SLC25A13: variants seen among roughly 807,000 people sequenced by gnomAD.
The protein encoded by SLC25A13 is electrogenic aspartate/glutamate antiporter SLC25A13, mitochondrial.
A neutral mutation model predicts 85.5 loss-of-function variants in SLC25A13; 70 were observed. The ratio of observed to expected loss-of-function variants is 0.82; its 90% CI spans 0.68 to 1.00. The LOEUF is 1.00. SLC25A13 is among the 50% of genes least tolerant of loss of function. SLC25A13 has a pLI of 0.00. For synonymous variants in SLC25A13, 259 were observed against 288.7 expected (o/e 0.90, Z 1.04); for missense variants, 765 against 819.8 (o/e 0.93, Z 0.82).
At chr7:96,196,390 A>C (rs1338992555) in intron 5 of SLC25A13, among the ~76,000 whole-genome samples, 2 of 152,162 alleles carry the variant, frequency 1.3e-5, no homozygotes, top group Admixed American at 1.3e-4. Context: ...TTATACCAAA[A>C]ATGGCACCGC....
chr7:96,209,687 T>C (rs1795616296), intron 4 of SLC25A13, among the ~76,000 whole-genome samples: 1 of 152,136 alleles, frequency 6.6e-6, no homozygotes, highest in South Asian at 2.1e-4. Flanking sequence ...GCTTAGGATC[T>C]CTTTTTAGCC....
At chr7:96,156,070 T>C (rs962787168) in intron 13 of SLC25A13, among the ~76,000 whole-genome samples, 1 of 152,218 alleles carries the variant, frequency 6.6e-6, no homozygotes, top group African/African-American at 2.4e-5. Flanking sequence ...TCTGATCATA[T>C]GGACTAGAAT....
chr7:96,194,518 G>GT (rs371638548), intron 5 of SLC25A13, among the ~76,000 whole-genome samples: 3 of 143,884 alleles, frequency 2.1e-5, no homozygotes, highest in Non-Finnish European at 4.5e-5. Flanking sequence ...ATATAATGGA[G>GT]TTTTTTTAGA....
rs192301408 is a variant in SLC25A13, at chr7:96,211,758, C to G, written c.329-2781G>C. On this transcript the variant is annotated intron_variant, in intron 4 of 17. Transcript: ENST00000265631. ...AACCCTTTGGGGCACTACAGTTTCC[C>G]TTGCTGAGAAACTATTCAACAGTCA... Among the ~76,000 whole-genome samples, 33 of 152,280 alleles carry G rather than the reference C, an allele frequency of 2.2e-4. No homozygotes were observed. In the East Asian group the frequency reaches 4.4e-3, roughly 21 times the overall value.
At chr7:96,252,095 T>G (rs1797451687) in intron 3 of SLC25A13, among the ~76,000 whole-genome samples, 1 of 152,240 alleles carries the variant, frequency 6.6e-6, no homozygotes, top group South Asian at 2.1e-4. Context: ...CTTTGAATCT[T>G]TTTTTATTTG....
intron 5 of SLC25A13, among the ~76,000 whole-genome samples, chr7:96,208,569 G>A (rs868240029): frequency 2.7e-5 from 4 of 149,804 alleles, no homozygotes; most frequent in Non-Finnish European, 4.4e-5. Flanking sequence ...GCAGTGGTGC[G>A]ATCTCAGCTC....
At chr7:96,289,307 A>G (rs1437002293) in intron 2 of SLC25A13, among the ~76,000 whole-genome samples, 1 of 151,836 alleles carries the variant, frequency 6.6e-6, no homozygotes, top group Admixed American at 6.6e-5. Flanking sequence ...AAGATGGGGG[A>G]AAAAACAGAG....
chr7:96,228,290 A>G (rs1796392638), intron 4 of SLC25A13, among the ~76,000 whole-genome samples: 1 of 152,240 alleles, frequency 6.6e-6, no homozygotes, highest in Admixed American at 6.5e-5. Context: ...GTCACAGAGT[A>G]AAGAATCTGT....
chr7:96,140,984 C>A (rs1379343525), intron 14 of SLC25A13, among the ~76,000 whole-genome samples: 1 of 148,770 alleles, frequency 6.7e-6, no homozygotes. Context: ...CAGCTGATGT[C>A]ATATTAATTT....
At chr7:96,195,376 T>G (rs1404803865) in intron 5 of SLC25A13, among the ~76,000 whole-genome samples, 1 of 152,152 alleles carries the variant, frequency 6.6e-6, no homozygotes, top group Non-Finnish European at 1.5e-5. Context: ...CTTTGAAAGT[T>G]TGCCCAAATG....
At chr7:96,130,279 C>A (rs1791966209) in intron 15 of SLC25A13, among the ~76,000 whole-genome samples, 1 of 152,196 alleles carries the variant, frequency 6.6e-6, no homozygotes, top group African/African-American at 2.4e-5. Context: ...CTGAGCTCTA[C>A]TACTTAACTT....
intron 4 of SLC25A13, among the ~76,000 whole-genome samples, chr7:96,210,809 T>C (rs1795661813): frequency 1.3e-5 from 2 of 152,168 alleles, no homozygotes; most frequent in South Asian, 4.1e-4. Flanking sequence ...AATTTTATAC[T>C]AGAATAAAAT....
intron 12 of SLC25A13, 68 bp downstream of exon 12, chr7:96,171,401 TAAG>T: frequency 7.1e-7 from 1 of 1,406,380 alleles, no homozygotes; most frequent in Non-Finnish European, 1.0e-6. Context: ...CTGTTTCCTA[TAAG>T]AATACCTGCT....
Position 96,170,126 on chromosome 7 carries a change from C to T in SLC25A13, c.1231-1G>A, listed in dbSNP as rs781452100. 1.9e-5 allele frequency: 30 copies of T among 1,613,482 alleles called. No individual in the cohort carries two copies. The highest frequency in any genetic ancestry group is 6.7e-5 in the Admixed American group (4 of 59,984). On this transcript the variant is annotated splice_acceptor_variant, in intron 12 of 17. Coordinates refer to ENST00000265631, the MANE Select transcript of SLC25A13 (RefSeq NM_014251.3). LOFTEE classifies it high-confidence loss of function. ...ATTTATCCCTCACAAAATCGTTCAC[C>T]TTGAAGAAAAATATTTATAGAAGCT...
rs1055068528 is a variant in SLC25A13, at chr7:96,172,587, A to T, written c.1178-1063T>A. 2.0e-5 allele frequency among the ~76,000 whole-genome samples: 3 copies of T among 151,484 alleles called. No homozygotes were observed. In the East Asian group the frequency reaches 5.8e-4, roughly 29 times the overall value. On this transcript the variant is annotated intron_variant, in intron 11 of 17. Coordinates refer to ENST00000265631, the MANE Select transcript of SLC25A13 (RefSeq NM_014251.3). ...AAAAAAAAGATCAATGAACACACTG[A>T]CCTAACAGTCAGTTCATGGGCTCAG...
At chr7:96,223,693 C>T (rs371879234) in intron 4 of SLC25A13, among the ~76,000 whole-genome samples, 74 of 148,966 alleles carry the variant, frequency 5.0e-4, no homozygotes, top group African/African-American at 1.7e-3. Flanking sequence ...GAGGCTGAGG[C>T]AGGAGAATTG....
Position 96,322,032 on chromosome 7 carries a change from C to A in SLC25A13, c.-76G>T, listed in dbSNP as rs1206740702. The A allele has an allele frequency of 2.0e-6, 3 of 1,518,984 alleles. No homozygotes were observed. The highest frequency in any genetic ancestry group is 1.4e-5 in the African/African-American group (1 of 69,434). 94.1% of individuals were successfully genotyped at this position (1,518,984 alleles called of 1,614,324 possible). ...CGTTTGGGACCCGGGCGGCTCACTT[C>A]TAGTCCCGGCGGCGGCGGCGGTGGG... is the stretch of plus-strand genomic sequence containing the variant. On this transcript the variant is annotated 5_prime_UTR_variant, in exon 1 of 18. Coordinates refer to ENST00000265631, the MANE Select transcript of SLC25A13 (RefSeq NM_014251.3).
chr7:96,236,900 T>C (rs1320419326), intron 3 of SLC25A13, among the ~76,000 whole-genome samples: 1 of 152,226 alleles, frequency 6.6e-6, no homozygotes, highest in Non-Finnish European at 1.5e-5. Context: ...CCAACATAGC[T>C]GACTGGAGTC....
intron 4 of SLC25A13, among the ~76,000 whole-genome samples, chr7:96,227,336 C>T (rs1208938958): frequency 6.6e-6 from 1 of 151,980 alleles, no homozygotes; most frequent in Non-Finnish European, 1.5e-5. Flanking sequence ...TTTAAAAATT[C>T]TTAAAGGAAT....
Sources: gnomAD v4.1 joint callset for allele counts (sites outside exome capture counted in the v4.1 genomes callset) on GRCh38, gnomAD v4.1.1 for gene constraint, MANE v1.5 for transcripts, NCBI Gene and HGNC (gene_info 2026-07-23, HGNC 2026-07-21) for gene names.